DSE: variants seen among roughly 807,000 people sequenced by gnomAD.
DSE encodes dermatan-sulfate epimerase.
Under a neutral mutation model 84.4 loss-of-function variants are expected in DSE, and 36 were observed. The observed-to-expected ratio is 0.43, with a 90% confidence interval of 0.33 to 0.56. The LOEUF (loss-of-function observed/expected upper bound fraction) is 0.56, where lower values mean the gene tolerates loss of function less well. DSE is among the 20% of genes least tolerant of loss of function. DSE has a pLI of 0.06. For synonymous variants in DSE, 410 were observed against 430.1 expected, an observed-to-expected ratio of 0.95 and a Z score of 0.58; for missense variants, 862 against 1,169.6, an observed-to-expected ratio of 0.74 and a Z score of 3.84.
upstream of DSE, chr6:116,370,753 G>A: frequency 6.7e-6 from 6 of 900,886 alleles, no homozygotes; most frequent in Non-Finnish European, 8.0e-6. Context: ...GGAGGAGCGG[G>A]AGAAAGCGGG....
intron 2 of DSE, among the ~76,000 whole-genome samples, chr6:116,365,074 G>A (rs540411927): frequency 1.3e-5 from 2 of 152,234 alleles, no homozygotes; most frequent in East Asian, 3.9e-4. Context: ...CTGGGCTCAA[G>A]CAGTTTGCCT....
intron 2 of DSE, among the ~76,000 whole-genome samples, chr6:116,403,721 G>A (rs1486260384): frequency 6.6e-6 from 1 of 152,182 alleles, no homozygotes; most frequent in African/African-American, 2.4e-5. Flanking sequence ...AGTTTACAGT[G>A]ACTATGGGAT....
chr6:116,278,939 C>A (rs747230077), intron 2 of DSE: 2 of 1,614,122 alleles, frequency 1.2e-6, no homozygotes, highest in Non-Finnish European at 1.7e-6. Context: ...AACATCTCTG[C>A]ATCTTGGCCC....
At chr6:116,311,930 A>G (rs1263871982) in intron 2 of DSE, among the ~76,000 whole-genome samples, 1 of 152,210 alleles carries the variant, frequency 6.6e-6, no homozygotes, top group Non-Finnish European at 1.5e-5. Flanking sequence ...CTGCATTCCC[A>G]GGGCCTCCAA....
chr6:116,337,102 A>G (rs771109323), intron 2 of DSE, among the ~76,000 whole-genome samples: 2 of 152,222 alleles, frequency 1.3e-5, no homozygotes, highest in Non-Finnish European at 2.9e-5. Flanking sequence ...TATTTTACAC[A>G]TAAGAAACAC....
rs151152303 is a variant in DSE, at chr6:116,422,606, G to A, written c.417-3968G>A. Among the ~76,000 whole-genome samples, 4 of 152,282 alleles carry A rather than the reference G, an allele frequency of 2.6e-5. 1 individual carries two copies. In the East Asian group the frequency reaches 7.7e-4, roughly 29 times the overall value. ...GAAAGATGTATACTCAAAGAGTTGA[G>A]ATTTTATAAAGATTAATCACTTTTA... On this transcript the variant is annotated intron_variant, in intron 2 of 5. Transcript: ENST00000644252.
chr6:116,395,035 T>G (rs1397977037), intron 1 of DSE, among the ~76,000 whole-genome samples: 3 of 152,246 alleles, frequency 2.0e-5, no homozygotes, highest in Non-Finnish European at 1.5e-5. Flanking sequence ...GCTTGAGAGA[T>G]CATGCACAAA....
intron 2 of DSE, among the ~76,000 whole-genome samples, chr6:116,404,111 C>T (rs1781770061): frequency 6.6e-6 from 1 of 152,092 alleles, no homozygotes; most frequent in Non-Finnish European, 1.5e-5. Context: ...CCTCCCTATA[C>T]CTTATGAATC....
chr6:116,267,780 C>G (rs932302919), intron 2 of DSE, among the ~76,000 whole-genome samples: 4 of 151,996 alleles, frequency 2.6e-5, no homozygotes, highest in African/African-American at 9.7e-5. Context: ...TTCCGTATGC[C>G]TGAGGAGCCC....
intron 2 of DSE, among the ~76,000 whole-genome samples, chr6:116,269,205 G>A (rs1772768720): frequency 6.6e-6 from 1 of 152,118 alleles, no homozygotes. Flanking sequence ...TTTAATTTAG[G>A]CAAGTCACTT....
chr6:116,265,204 G>A (rs907281040), intron 2 of DSE, among the ~76,000 whole-genome samples: 2 of 152,130 alleles, frequency 1.3e-5, no homozygotes, highest in Non-Finnish European at 2.9e-5. Flanking sequence ...TGGTGACTGT[G>A]TGCACAGTCA....
intron 2 of DSE, among the ~76,000 whole-genome samples, chr6:116,425,453 T>G (rs536949867): frequency 2.0e-5 from 3 of 152,326 alleles, no homozygotes; most frequent in South Asian, 4.1e-4. Context: ...GGAAGGGTTT[T>G]CTGGTTAATT....
chr6:116,337,437 C>T (rs2114807695), intron 2 of DSE, among the ~76,000 whole-genome samples: 1 of 152,216 alleles, frequency 6.6e-6, no homozygotes, highest in South Asian at 2.1e-4. Flanking sequence ...TGGTGAAACA[C>T]CGTCTCTACT....
intron 2 of DSE, among the ~76,000 whole-genome samples, chr6:116,406,593 T>C: frequency 6.6e-6 from 1 of 152,246 alleles, no homozygotes; most frequent in Non-Finnish European, 1.5e-5. Flanking sequence ...TGACATTAAG[T>C]TCATGCTAAT....
At chr6:116,405,264 T>C (rs1227333118) in intron 2 of DSE, among the ~76,000 whole-genome samples, 2 of 152,126 alleles carry the variant, frequency 1.3e-5, no homozygotes, top group African/African-American at 4.8e-5. Context: ...AATTGCAAGT[T>C]AAAACTGAAA....
chr6:116,354,058 C>T (rs138981864), intron 2 of DSE, among the ~76,000 whole-genome samples: 23 of 152,188 alleles, frequency 1.5e-4, no homozygotes, highest in African/African-American at 5.1e-4. Context: ...TCCAAATGTA[C>T]ACCTATATCT....
chr6:116,428,421 A>G (rs898151203), intron 3 of DSE, among the ~76,000 whole-genome samples: 4 of 152,180 alleles, frequency 2.6e-5, no homozygotes, highest in Admixed American at 2.6e-4. Flanking sequence ...GGGAAGGAGT[A>G]GAGTTTATTT....
At chr6:116,376,474 T>G (rs1226255995) in intron 1 of DSE, among the ~76,000 whole-genome samples, 3 of 152,196 alleles carry the variant, frequency 2.0e-5, no homozygotes, top group Non-Finnish European at 2.9e-5. Flanking sequence ...GGGAATGATT[T>G]TAATTTGGAA....
chr6:116,318,225 G>A (rs1449117434), intron 2 of DSE, among the ~76,000 whole-genome samples: 1 of 152,114 alleles, frequency 6.6e-6, no homozygotes, highest in Non-Finnish European at 1.5e-5. Flanking sequence ...GAAAAGTAGG[G>A]GCCAGTCGTG....
Sources: gnomAD v4.1 joint callset for allele counts (sites outside exome capture counted in the v4.1 genomes callset) on GRCh38, gnomAD v4.1.1 for gene constraint, MANE v1.5 for transcripts, NCBI Gene and HGNC (gene_info 2026-07-23, HGNC 2026-07-21) for gene names.